Variants in NOTCH3 observed in about 807,000 individuals in gnomAD.
NOTCH3 encodes notch receptor 3, also known as neurogenic locus notch homolog protein 3.
Under a neutral mutation model 213.3 loss-of-function variants are expected in NOTCH3, and 86 were observed. The ratio of observed to expected loss-of-function variants is 0.40; its 90% CI spans 0.34 to 0.48. NOTCH3 has a LOEUF of 0.48. NOTCH3 is among the 20% of genes least tolerant of loss of function. The probability of loss-of-function intolerance (pLI) is 0.57; values close to 1 mark genes in which losing one functional copy is unlikely to be tolerated. For missense variants in NOTCH3, 2,783 were observed against 3,272.6 expected (o/e 0.85, Z 3.65); for synonymous variants, 1,354 against 1,355.9 (o/e 1.00, Z 0.03).
chr19:15,195,529 A>G (rs911191060), intron 2 of NOTCH3, among the ~76,000 whole-genome samples: 21 of 146,758 alleles, frequency 1.4e-4, no homozygotes, highest in Non-Finnish European at 2.5e-4. Context: ...GACGCCTGAG[A>G]CTGAACTCAA....
chr19:15,180,024 C>T, intron 20 of NOTCH3, 48 bp downstream of exon 20: 3 of 1,349,168 alleles, frequency 2.2e-6, no homozygotes, highest in Non-Finnish European at 3.2e-6. Context: ...CCAGACGCAC[C>T]CAAGCATGCC....
In NOTCH3 at chr19:15,161,532, G is replaced by T. The variant is rs755227083; in HGVS notation, c.6096C>A (p.Ser2032Arg). Residue 2032 changes from serine to arginine, a missense_variant, in exon 33 of 33, where the codon AGC becomes AGA. By Grantham distance (110) the Ser-to-Arg change is moderately radical (BLOSUM62 -1). Around this residue, in one of 6 missense-constraint regions of NOTCH3, gnomAD observed 441 missense variants for 432.1 expected, o/e 1.02. Transcript: ENST00000263388. ...GCCCCAGGCCGTGGGGACCGGGGGGGCTGCGGGGCCCACTGGGTTGATCCA... is the reference window on the plus strand; with the variant it reads ...GCCCCAGGCCGTGGGGACCGGGGGGTCTGCGGGGCCCACTGGGTTGATCCA... ...RLLDQPSGPRSPPGPHGLGPL... is the reference protein window; with the variant it reads ...RLLDQPSGPRRPPGPHGLGPL... The T allele has an allele frequency of 1.2e-6, 2 of 1,602,758 alleles. No homozygotes were observed. Among genetic ancestry groups the T allele is most frequent in the South Asian group, 1.1e-5 (1 of 89,036 alleles).
In NOTCH3 at chr19:15,176,800, C is replaced by T. The variant is rs570803496; in HGVS notation, c.4403+725G>A. ...AAAAAAAAAAAAAAGGAGCCAGGTG[C>T]GGTGGCTCACACCTGTAATCCCAGC... On this transcript the variant is annotated intron_variant, in intron 24 of 32. Transcript: ENST00000263388. Among the ~76,000 whole-genome samples the T allele has an allele frequency of 2.3e-3, 327 of 140,556 alleles. 1 individual carries two copies. Among genetic ancestry groups the T allele is most frequent in the Non-Finnish European group, 3.9e-3 (254 of 65,484 alleles). 92.2% of individuals were successfully genotyped at this position (140,556 alleles called of 152,430 possible).
At position 15,160,783 on chromosome 19, in the gene NOTCH3, G is replaced by C; in HGVS notation, c.6845C>G (p.Thr2282Ser). The C allele has an allele frequency of 6.2e-7, 1 of 1,614,028 alleles. No individual in the cohort carries two copies. ...CTGGGCAGGCAGTGCCCCAGTGGTG[G>C]TGGCCATGGCCCCAGTGGCAGTGGC... ...SPATATGAMA[T>S]TTGALPAQPL... The change falls in exon 33 of 33, where the codon ACC becomes AGC. Residue 2282 changes from threonine to serine, a missense_variant. Physicochemically the swap from Thr to Ser is moderately conservative, Grantham distance 58. Around this residue, in one of 6 missense-constraint regions of NOTCH3, gnomAD observed 441 missense variants for 432.1 expected, o/e 1.02. Transcript: ENST00000263388.
chr19:15,162,188 G>C lies in NOTCH3; in HGVS notation c.5913+277C>G, dbSNP rs1488406178. ...ATAGAGACAGGGTTTTACTACGTTG[G>C]CCAGGCTGGTCTCAAACTCCTGAAC... On this transcript the variant is annotated intron_variant, in intron 32 of 32. Transcript: ENST00000263388. The C allele has an allele frequency of 8.5e-6, 4 of 470,508 alleles. No individual in the cohort carries two copies. The East Asian group carries it at 1.7e-4, about 20-fold the overall frequency. 29.1% of individuals were successfully genotyped at this position (470,508 alleles called of 1,614,324 possible).
intron 31 of NOTCH3, among the ~76,000 whole-genome samples, chr19:15,163,337 A>G (rs778348692): frequency 6.6e-6 from 1 of 152,250 alleles, no homozygotes; most frequent in Non-Finnish European, 1.5e-5. Flanking sequence ...TTGGACCCCT[A>G]CCTCACACTT....
chr19:15,167,182 T>C, intron 29 of NOTCH3, 67 bp downstream of exon 29: 1 of 1,544,116 alleles, frequency 6.5e-7, no homozygotes, highest in Non-Finnish European at 8.9e-7. Flanking sequence ...AAACACAGAG[T>C]CAGAAATAAC....
chr19:15,162,290 C>T, intron 32 of NOTCH3, 175 bp downstream of exon 32: 2 of 620,078 alleles, frequency 3.2e-6, no homozygotes, highest in Non-Finnish European at 5.7e-6. Context: ...CCATTAGGCA[C>T]AAAATTTAAG....
intron 6 of NOTCH3, 54 bp from the exon 7 acceptor site, chr19:15,189,482 G>C: frequency 1.3e-6 from 2 of 1,587,834 alleles, no homozygotes; most frequent in Admixed American, 3.3e-5. Flanking sequence ...TGCCCAAAAG[G>C]CCCACACCCC....
chr19:15,163,145 T>A (rs2046659674), intron 31 of NOTCH3, among the ~76,000 whole-genome samples: 1 of 152,206 alleles, frequency 6.6e-6, no homozygotes, highest in Non-Finnish European at 1.5e-5. Context: ...GCTCAAGTGA[T>A]CCACCAGCCT....
intron 31 of NOTCH3, among the ~76,000 whole-genome samples, chr19:15,164,436 G>T (rs923306030): frequency 4.0e-5 from 6 of 151,652 alleles, no homozygotes; most frequent in African/African-American, 1.5e-4. Flanking sequence ...AGACACTTGG[G>T]AGGCTGAGAC....
rs751792171 is a variant in NOTCH3, at chr19:15,192,031, G to A, written c.608C>T (p.Pro203Leu). The change falls in exon 4 of 33, where the codon CCC becomes CTC. Residue 203 changes from proline to leucine, a missense_variant. Physicochemically the swap from Pro to Leu is moderately conservative, Grantham distance 98. Transcript: ENST00000263388. ...LCENPAVPCA[P>L]SPCRNGGTCR... ...GGTGCCCCCGTTACGGCATGGTGAG[G>A]GTGCACAGGGCACCGCGGGGTTCTC... is the stretch of plus-strand genomic sequence containing the variant. 3 of 1,613,190 alleles carry A rather than the reference G, an allele frequency of 1.9e-6. No homozygotes were observed. The highest frequency in any genetic ancestry group is 2.5e-6 in the Non-Finnish European group (3 of 1,179,970).
chr19:15,168,041 G>A (rs2046700773), intron 28 of NOTCH3, among the ~76,000 whole-genome samples: 1 of 152,062 alleles, frequency 6.6e-6, no homozygotes, highest in Non-Finnish European at 1.5e-5. Context: ...GGGCTCAAAT[G>A]ATCCTCCCAC....
At chr19:15,196,364 A>AC (rs1287981369) in intron 2 of NOTCH3, among the ~76,000 whole-genome samples, 5 of 149,214 alleles carry the variant, frequency 3.4e-5, no homozygotes, top group Admixed American at 2.0e-4. Context: ...ACCTTCGCAG[A>AC]CCCCCCAGCC....
In NOTCH3 at chr19:15,188,454, C is replaced by T. The variant is rs557072574; in HGVS notation, c.1379-106G>A. ...CCTACTCATCGACAAATCCCCCGAG[C>T]CTTCGTCCCCACCTCTACACTCCCA... On this transcript the variant is annotated intron_variant, in intron 8 of 32. Transcript: ENST00000263388. 97 of 766,012 alleles carry T rather than the reference C, an allele frequency of 1.3e-4. 1 individual carries two copies. The South Asian group carries it at 1.3e-3, about 11-fold the overall frequency. The allele number at this position is 766,012 out of a possible 1,614,324, so 47.5% of individuals were successfully genotyped here.
intron 29 of NOTCH3, among the ~76,000 whole-genome samples, chr19:15,166,471 T>A (rs11672004): frequency 0.79 from 119,622 of 151,884 alleles, 48,353 homozygotes; most frequent in Non-Finnish European, 0.89. Flanking sequence ...GGTTAGGAGC[T>A]GCCCCTTTCT....
intron 24 of NOTCH3, among the ~76,000 whole-genome samples, chr19:15,175,547 A>AT: frequency 4.5e-5 from 3 of 66,180 alleles, no homozygotes; most frequent in African/African-American, 1.7e-4. Context: ...AAAAAAAAAA[A>AT]AAAAAATACA....
intron 24 of NOTCH3, among the ~76,000 whole-genome samples, chr19:15,174,805 C>A (rs1000398497): frequency 1.3e-5 from 2 of 152,100 alleles, no homozygotes; most frequent in African/African-American, 4.8e-5. Flanking sequence ...AACTCCTGAC[C>A]TCAGGTGATC....
Position 15,179,506 on chromosome 19 carries a change from G to T in NOTCH3, c.3328-10C>A, listed in dbSNP as rs1437423554. ...TGTAGCCAGGAAGACACTTCAGTGG[G>T]GTAAGAGAGGGACCCACTCAGCTTA... On this transcript the variant is annotated splice_polypyrimidine_tract_variant and intron_variant, in intron 20 of 32. Coordinates refer to ENST00000263388, the MANE Select transcript of NOTCH3 (RefSeq NM_000435.3). The T allele has an allele frequency of 2.5e-6, 4 of 1,613,522 alleles. No individual in the cohort carries two copies. The African/African-American group carries it at 5.3e-5, about 22-fold the overall frequency.
Sources: gnomAD v4.1 joint callset for allele counts (sites outside exome capture counted in the v4.1 genomes callset) on GRCh38, gnomAD v4.1.1 for gene constraint, gnomAD v4.1.1 regional missense constraint, MANE v1.5 for transcripts, NCBI Gene and HGNC (gene_info 2026-07-23, HGNC 2026-07-21) for gene names.